Variants in CR1L observed in about 807,000 individuals in gnomAD.
CR1L encodes the protein complement C3b/C4b receptor 1 like.
Under a neutral mutation model 62.3 loss-of-function variants are expected in CR1L, and 59 were observed. The ratio of observed to expected loss-of-function variants is 0.95; its 90% confidence interval spans 0.77 to 1.18. CR1L has a LOEUF of 1.18. Among genes scored for constraint, CR1L ranks in the 50% most tolerant of loss-of-function variants. The pLI, the probability that CR1L is intolerant of heterozygous loss-of-function variation, is 0.00. For synonymous variants in CR1L, 279 were observed against 248.7 expected (o/e 1.12, Z -1.15); for missense variants, 700 against 702.8 (o/e 1.00, Z 0.04).
chr1:207,681,534 TAATA>T (rs1663799168), intron 3 of CR1L, among the ~76,000 whole-genome samples: 1 of 152,236 alleles, frequency 6.6e-6, no homozygotes, highest in Non-Finnish European at 1.5e-5. Flanking sequence ...GACACAAGTT[TAATA>T]AATTAAAATA....
At chr1:207,676,028 A>G (rs1663684943) in intron 1 of CR1L, among the ~76,000 whole-genome samples, 1 of 152,138 alleles carries the variant, frequency 6.6e-6, no homozygotes, top group Admixed American at 6.5e-5. Context: ...CTGAGTGTCC[A>G]CTGAGTGTGA....
Position 207,697,648 on chromosome 1 carries a change from A to G in CR1L, c.1008A>G (p.Gly336=). 6.2e-7 allele frequency: 1 copy of G among 1,613,994 alleles called. No homozygotes were observed. Among genetic ancestry groups the G allele is most frequent in the East Asian group, 2.2e-5 (1 of 44,888 alleles). Residue 336 remains glycine (G), a synonymous_variant, in exon 6 of 12, where the codon GGA becomes GGG. Coordinates refer to ENST00000508064, the MANE Select transcript of CR1L (RefSeq NM_175710.2). ...CGTATTTGCACTGCACACCCCAGGG[A>G]GACTGGAGCCCTGCAGCCCCCAGAT... ...GSTYLHCTPQ[G]DWSPAAPRCE...
At chr1:207,710,439 G>T in intron 10 of CR1L, 1 of 1,583,722 alleles carries the variant, frequency 6.3e-7, no homozygotes, top group Non-Finnish European at 8.7e-7. Flanking sequence ...AGCACCGACA[G>T]AGAGTATTTT....
chr1:207,713,629 A>C (rs1236398854), intron 10 of CR1L, among the ~76,000 whole-genome samples: 1 of 152,176 alleles, frequency 6.6e-6, no homozygotes, highest in Non-Finnish European at 1.5e-5. Flanking sequence ...GTGAGTGAGC[A>C]AGTGGGGGTT....
intron 1 of CR1L, among the ~76,000 whole-genome samples, chr1:207,648,174 A>C (rs1444596283): frequency 8.0e-6 from 1 of 125,362 alleles, no homozygotes; most frequent in South Asian, 2.7e-4. Flanking sequence ...CCCGGTCTCA[A>C]ACACACACAC....
In CR1L at chr1:207,719,741, C is replaced by G. The variant is rs184913217; in HGVS notation, c.1642+2050C>G. 3.7e-4 allele frequency among the ~76,000 whole-genome samples: 57 copies of G among 152,148 alleles called. No individual in the cohort carries two copies. The South Asian group carries it at 5.4e-3, about 14-fold the overall frequency. ...TCAAACACACACACACACACACGCA[C>G]ACACACAAGATAGCTTCTAATTTAA... On this transcript the variant is annotated intron_variant, in intron 11 of 11. Transcript: ENST00000508064.
At chr1:207,669,643 C>T in intron 1 of CR1L, 1 of 882,160 alleles carries the variant, frequency 1.1e-6, no homozygotes, top group Non-Finnish European at 1.7e-6. Flanking sequence ...GCGTGCCGCG[C>T]TGGGCTGCGC....
intron 1 of CR1L, among the ~76,000 whole-genome samples, chr1:207,675,359 G>C (rs899336107): frequency 6.6e-6 from 1 of 152,184 alleles, no homozygotes; most frequent in African/African-American, 2.4e-5. Context: ...GTGCGTTCAG[G>C]GTGGTATGGC....
chr1:207,682,996 C>CTTTCTTTCTTTT (rs1553243551), intron 3 of CR1L, among the ~76,000 whole-genome samples: 2 of 133,218 alleles, frequency 1.5e-5, no homozygotes, highest in African/African-American at 5.6e-5. Context: ...TTCTTTTTTT[C>CTTTCTTTCTTTT]TTTCTTTCTT....
chr1:207,691,542 A>G (rs1409393434), intron 4 of CR1L, among the ~76,000 whole-genome samples: 1 of 152,016 alleles, frequency 6.6e-6, no homozygotes, highest in African/African-American at 2.4e-5. Flanking sequence ...ACTCTTGGTT[A>G]TTTGTTTTCT....
intron 1 of CR1L, chr1:207,652,560 G>A: frequency 1.3e-6 from 2 of 1,542,750 alleles, no homozygotes; most frequent in East Asian, 2.3e-5. Flanking sequence ...CCTATGAGGA[G>A]CCACCAACAT....
At chr1:207,657,459 A>T (rs56729528) in intron 1 of CR1L, 8,792 of 518,998 alleles carry the variant, frequency 0.017, 630 homozygotes, top group African/African-American at 0.15. Context: ...ATACAGGTCA[A>T]TTCAAGCCAA....
At chr1:207,694,171 A>G (rs1035737862) in intron 4 of CR1L, among the ~76,000 whole-genome samples, 182 bp from the exon 5 acceptor site, 2 of 152,242 alleles carry the variant, frequency 1.3e-5, no homozygotes, top group Non-Finnish European at 2.9e-5. Context: ...ATAGGAAATC[A>G]TATAAGTAAG....
At chr1:207,674,170 A>C (rs1466336722) in intron 1 of CR1L, among the ~76,000 whole-genome samples, 1 of 152,216 alleles carries the variant, frequency 6.6e-6, no homozygotes, top group African/African-American at 2.4e-5. Flanking sequence ...AACAGGTCGA[A>C]GGTTGCCTAG....
intron 1 of CR1L, among the ~76,000 whole-genome samples, chr1:207,653,453 T>C (rs1663260108): frequency 6.6e-6 from 1 of 152,218 alleles, no homozygotes. Context: ...TGAGAATTCA[T>C]CCTTCACAAC....
chr1:207,649,671 C>G (rs1663192249), intron 1 of CR1L, among the ~76,000 whole-genome samples: 1 of 152,124 alleles, frequency 6.6e-6, no homozygotes, highest in African/African-American at 2.4e-5. Flanking sequence ...CCTCCTGGGT[C>G]TGCCAACCTA....
chr1:207,677,465 G>A lies in CR1L; in HGVS notation c.174G>A (p.Gly58=), dbSNP rs202202158. ...CTGATGACTTTGAGTTTCCCATTGG[G>A]ACATATCTGAACTATGAATGCCGCC... The part of the protein sequence containing the change: ...NLTDDFEFPI[G]TYLNYECRPG... The change falls in exon 2 of 12, where the codon GGG becomes GGA. Residue 58 remains glycine (G), a synonymous_variant. Coordinates refer to ENST00000508064, the MANE Select transcript of CR1L (RefSeq NM_175710.2). 207 of 1,613,916 alleles carry A rather than the reference G, an allele frequency of 1.3e-4. 2 individuals carry two copies. In the African/African-American group the frequency reaches 2.4e-3, roughly 19 times the overall value.
chr1:207,710,630 G>A (rs1664340709), intron 10 of CR1L: 3 of 1,610,076 alleles, frequency 1.9e-6, no homozygotes, highest in African/African-American at 2.7e-5. Flanking sequence ...TGTGGAAAAT[G>A]GAATATTGGT....
intron 1 of CR1L, among the ~76,000 whole-genome samples, chr1:207,654,199 A>C (rs1218876261): frequency 6.6e-6 from 1 of 152,228 alleles, no homozygotes; most frequent in Non-Finnish European, 1.5e-5. Flanking sequence ...ACCAGATTCA[A>C]ACAATAGCAA....
Sources: gnomAD v4.1 joint callset for allele counts (sites outside exome capture counted in the v4.1 genomes callset) on GRCh38, gnomAD v4.1.1 for gene constraint, MANE v1.5 for transcripts, NCBI Gene and HGNC (gene_info 2026-07-23, HGNC 2026-07-21) for gene names.